LHX1: variants seen among roughly 807,000 people sequenced by gnomAD.
LHX1 encodes LIM homeobox 1.
A neutral mutation model predicts 34.1 loss-of-function variants in LHX1; 9 were observed. That is an observed-to-expected ratio of 0.26 (90% CI 0.16 to 0.46). The LOEUF (loss-of-function observed/expected upper bound fraction) is 0.46, where lower values mean the gene tolerates loss of function less well. Among genes scored for constraint, LHX1 ranks in the 20% least tolerant of loss-of-function variants. The probability of loss-of-function intolerance (pLI) is 1.00; values close to 1 mark genes in which losing one functional copy is unlikely to be tolerated. For synonymous variants in LHX1, 254 were observed against 241.5 expected (o/e 1.05, Z -0.48); for missense variants, 446 against 559.1 (o/e 0.80, Z 2.04).
At position 36,943,266 on chromosome 17, in the gene LHX1, G is replaced by C. The variant is rs570303460; in HGVS notation, c.*135G>C. ...GCCTCGAGAACCATTCTCCTTCTGGGGAGACCGGATGGAAAAGGGGGACAC... is the reference window on the plus strand; with the variant it reads ...GCCTCGAGAACCATTCTCCTTCTGGCGAGACCGGATGGAAAAGGGGGACAC... On this transcript the variant is annotated 3_prime_UTR_variant, in exon 5 of 5. Coordinates refer to ENST00000614239, the MANE Select transcript of LHX1 (RefSeq NM_005568.5). The C allele has an allele frequency of 9.1e-7, 1 of 1,102,916 alleles. No individual in the cohort carries two copies. The highest frequency in any genetic ancestry group is 1.3e-6 in the Non-Finnish European group (1 of 795,016). The allele number at this position is 1,102,916 out of a possible 1,614,324, so 68.3% of individuals were successfully genotyped here.
At chr17:36,941,113 G>C (rs1378082348) in intron 3 of LHX1, 1 of 755,138 alleles carries the variant, frequency 1.3e-6, no homozygotes, top group Non-Finnish European at 2.3e-6. Flanking sequence ...GGCAGTGGAG[G>C]GGGAGGGACG....
At chr17:36,941,048 C>T in intron 3 of LHX1, 161 bp downstream of exon 3, 3 of 1,094,442 alleles carry the variant, frequency 2.7e-6, no homozygotes, top group Non-Finnish European at 4.0e-6. Context: ...TATGAAATGC[C>T]TGATGCCTTC....
Position 36,940,907 on chromosome 17 carries a change from C to G in LHX1, c.675+20C>G, listed in dbSNP as rs747585543. ...ATTCAGGTCAGGCCCCGGCGCGCCT[C>G]TCCATCCCACAGAGGCCCACACTGC... On this transcript the variant is annotated intron_variant, in intron 3 of 4. Transcript: ENST00000614239. 1.9e-6 allele frequency: 3 copies of G among 1,563,316 alleles called. No individual in the cohort carries two copies. The highest frequency in any genetic ancestry group is 1.7e-4 in the Middle Eastern group (1 of 6,008).
chr17:36,940,320 T>C lies in LHX1; in HGVS notation c.201T>C (p.Ala67=), dbSNP rs1239611668. 3.8e-6 allele frequency: 5 copies of C among 1,318,616 alleles called. No individual in the cohort carries two copies. Among genetic ancestry groups the C allele is most frequent in the Non-Finnish European group, 5.0e-6 (5 of 1,005,278 alleles). The allele number at this position is 1,318,616 out of a possible 1,614,324, so 81.7% of individuals were successfully genotyped here. Residue 67 remains alanine, a synonymous_variant, in exon 2 of 5, where the codon GCT becomes GCC. Transcript: ENST00000614239. ...RCFGTKCAGC[A]QGISPSDLVR... The stretch of plus-strand genomic sequence containing the variant: ...TCGGTACCAAATGCGCAGGCTGCGC[T>C]CAGGGCATCTCCCCTAGCGACCTGG...
At chr17:36,939,723 C>T (rs367691566) in intron 1 of LHX1, among the ~76,000 whole-genome samples, 77 of 152,370 alleles carry the variant, frequency 5.1e-4, no homozygotes, top group African/African-American at 1.6e-3. Context: ...GTGGCGGCGG[C>T]CCCGCTAAGG....
chr17:36,941,475 G>A, intron 3 of LHX1: 1 of 313,384 alleles, frequency 3.2e-6, no homozygotes, highest in South Asian at 2.7e-5. Context: ...GAAAGGAGGT[G>A]AGACTGCTGA....
At chr17:36,937,353 G>C (rs1463584449), upstream of LHX1, 3 of 353,974 alleles carry the variant, frequency 8.5e-6, no homozygotes, top group Admixed American at 1.1e-4. Flanking sequence ...GACTGGGCTG[G>C]GGCGGTAGGG....
intron 4 of LHX1, 79 bp downstream of exon 4, chr17:36,942,444 C>G (rs2070772001): frequency 1.4e-6 from 2 of 1,426,100 alleles, no homozygotes; most frequent in Admixed American, 2.0e-5. Context: ...CGGGGGGGCA[C>G]GCCTCGCTCT....
chr17:36,939,056 C>T (rs1156545038), intron 1 of LHX1, among the ~76,000 whole-genome samples: 1 of 152,224 alleles, frequency 6.6e-6, no homozygotes, highest in South Asian at 2.1e-4. Context: ...CTCCGACTCC[C>T]ACGGGCTCCG....
At position 36,943,445 on chromosome 17, in the gene LHX1, G is replaced by A; in HGVS notation, c.*314G>A. The A allele has an allele frequency of 3.1e-6, 1 of 319,852 alleles. No individual in the cohort carries two copies. Among genetic ancestry groups the A allele is most frequent in the Non-Finnish European group, 5.7e-6 (1 of 176,498 alleles). 19.8% of individuals were successfully genotyped at this position (319,852 alleles called of 1,614,324 possible). ...ACAGACCCCGCGGGCGTGTGCGCCT[G>A]GCAGGCGGGCGGCGAAAAGACGTCC... On this transcript the variant is annotated 3_prime_UTR_variant, in exon 5 of 5. Coordinates refer to ENST00000614239, the MANE Select transcript of LHX1 (RefSeq NM_005568.5).
chr17:36,943,080 C>T lies in LHX1; in HGVS notation c.1170C>T (p.Tyr390=). The T allele has an allele frequency of 6.2e-7, 1 of 1,611,198 alleles. No homozygotes were observed. The highest frequency in any genetic ancestry group is 8.5e-7 in the Non-Finnish European group (1 of 1,178,986). The change falls in exon 5 of 5, where the codon TAC becomes TAT. Residue 390 remains tyrosine, a synonymous_variant. Coordinates refer to ENST00000614239, the MANE Select transcript of LHX1 (RefSeq NM_005568.5). ...SSLSVNGGAS[Y]GNHLSHPPEM... ...TGTCGGTCAACGGTGGGGCGAGCTA[C>T]GGAAACCACCTGTCCCACCCCCCCG...
chr17:36,936,977 A>T (rs914976243), upstream of LHX1: 3 of 250,506 alleles, frequency 1.2e-5, no homozygotes, highest in African/African-American at 2.5e-5. Flanking sequence ...GCGCCAGGAC[A>T]TTTTTTTTTA....
rs1304204910 is a variant in LHX1, at chr17:36,938,292, G to A, written c.95G>A (p.Cys32Tyr). 2 of 1,614,080 alleles carry A rather than the reference G, an allele frequency of 1.2e-6. No homozygotes were observed. The highest frequency in any genetic ancestry group is 1.7e-5 in the Admixed American group (1 of 60,010). The part of the protein sequence containing the change: ...RAWHVKCVQC[C>Y]ECKCNLTEKC... ...TGGCACGTCAAGTGCGTCCAGTGCT[G>A]TGAATGTAAATGCAACCTGACCGAG... Residue 32 changes from cysteine (C) to tyrosine (Y), a missense_variant, in exon 1 of 5, where the codon TGT (cysteine) becomes TAT (tyrosine). Cys to Tyr is a radical substitution (Grantham distance 194, BLOSUM62 -2). Transcript: ENST00000614239.
In LHX1 at chr17:36,938,365, C is replaced by A; in HGVS notation, c.168C>A (p.Phe56Leu). 8 of 1,614,076 alleles carry A rather than the reference C, an allele frequency of 5.0e-6. No homozygotes were observed. The highest frequency in any genetic ancestry group is 6.8e-6 in the Non-Finnish European group (8 of 1,179,914). ...EGKLYCKNDFFRCFGTKCAGC... is the reference protein window; with the variant it reads ...EGKLYCKNDFLRCFGTKCAGC... The stretch of plus-strand genomic sequence containing the variant: ...AACTCTACTGCAAGAACGACTTCTT[C>A]CGGTGAGTACTTTCCTCCCACGCCT... Residue 56 changes from phenylalanine to leucine, a missense_variant and splice_region_variant, in exon 1 of 5, where the codon TTC becomes TTA. Transcript: ENST00000614239.
In LHX1 at chr17:36,937,851, T is replaced by G; in HGVS notation, c.-347T>G. On this transcript the variant is annotated 5_prime_UTR_variant, in exon 1 of 5. Transcript: ENST00000614239. ...TTATTTATTTCCGTTCCCGCCGCCGTTCTCGCTGACCTTCACTCCTCCGCG... is the reference window on the plus strand; with the variant it reads ...TTATTTATTTCCGTTCCCGCCGCCGGTCTCGCTGACCTTCACTCCTCCGCG... The G allele has an allele frequency of 1.7e-6, 1 of 575,792 alleles. No homozygotes were observed. The allele number at this position is 575,792 out of a possible 1,614,324, so 35.7% of individuals were successfully genotyped here.
chr17:36,942,870 C>G lies in LHX1; in HGVS notation c.960C>G (p.Ser320=). 1 of 1,592,222 alleles carries G rather than the reference C, an allele frequency of 6.3e-7. No homozygotes were observed. Among genetic ancestry groups the G allele is most frequent in the South Asian group, 1.1e-5 (1 of 88,950 alleles). Residue 320 remains serine, a synonymous_variant, in exon 5 of 5, where the codon TCC becomes TCG. Transcript: ENST00000614239. ...DLPFVPSSGP[S]GTPLGGLEHP... is the part of the protein sequence containing the mutation. The stretch of plus-strand genomic sequence containing the variant: ...CCTTCGTGCCGTCATCTGGGCCGTC[C>G]GGGACGCCCCTGGGTGGCCTGGAGC...
rs1405053158 is a variant in LHX1, at chr17:36,943,644, G to A, written c.*513G>A. 2 of 152,816 alleles carry A rather than the reference G, an allele frequency of 1.3e-5. No individual in the cohort carries two copies. Among genetic ancestry groups the A allele is most frequent in the African/African-American group, 4.8e-5 (2 of 41,460 alleles). 9.5% of individuals were successfully genotyped at this position (152,816 alleles called of 1,614,324 possible). A position where few individuals can be genotyped will look rare whatever the true frequency, so the allele number is the denominator to read the frequency against. On this transcript the variant is annotated 3_prime_UTR_variant, in exon 5 of 5. Transcript: ENST00000614239. ...TGTTGTCTCAGAGTTCAACAACAGC[G>A]ACAAAAAACTCTTATAGCTTCAGAA...
At chr17:36,942,496 G>C in intron 4 of LHX1, 131 bp downstream of exon 4, 1 of 1,046,360 alleles carries the variant, frequency 9.6e-7, no homozygotes, top group South Asian at 1.6e-5. Flanking sequence ...GGAGAAGGCT[G>C]GGAGTAAATC....
intron 3 of LHX1, chr17:36,941,123 G>A: frequency 1.3e-6 from 1 of 741,956 alleles, no homozygotes; most frequent in Non-Finnish European, 2.4e-6. Flanking sequence ...GGGGAGGGAC[G>A]GGAGTTCAGC....
Sources: allele counts gnomAD v4.1 joint callset (sites outside exome capture counted in the v4.1 genomes callset), GRCh38; gene constraint gnomAD v4.1.1; transcripts MANE v1.5; gene names NCBI Gene and HGNC (gene_info 2026-07-23, HGNC 2026-07-21).